PCDH11X: variants seen among roughly 807,000 people sequenced by gnomAD.
The protein encoded by PCDH11X is protocadherin-11 X-linked.
Under a neutral mutation model 53.3 loss-of-function variants are expected in PCDH11X, and 18 were observed. That is an observed-to-expected ratio of 0.34 (90% CI 0.23 to 0.50). The LOEUF is 0.50. PCDH11X is among the 20% of genes least tolerant of loss of function. PCDH11X has a pLI of 0.98. For synonymous variants in PCDH11X, 279 were observed against 393.3 expected, an observed-to-expected ratio of 0.71 and a Z score of 3.44; for missense variants, 570 against 1,032.4, an observed-to-expected ratio of 0.55 and a Z score of 6.14.
At chrX:92,038,558 A>T (rs1345612915) in intron 6 of PCDH11X, among the ~76,000 whole-genome samples, 3 of 112,310 alleles carry the variant, frequency 2.7e-5, no homozygotes, top group Non-Finnish European at 3.8e-5. Context: ...TCCAGGCAGA[A>T]GTTTGCTGCA....
At chrX:92,032,853 T>TTG (rs1254009773) in intron 6 of PCDH11X, among the ~76,000 whole-genome samples, 1 of 103,965 alleles carries the variant, frequency 9.6e-6, no homozygotes, top group African/African-American at 3.5e-5. Flanking sequence ...GATAAATGAT[T>TTG]TTTTTTTTTT....
chrX:92,258,451 TCCA>T (rs1194034888), intron 7 of PCDH11X, among the ~76,000 whole-genome samples: 1 of 106,356 alleles, frequency 9.4e-6, no homozygotes, highest in Admixed American at 1.0e-4. Context: ...CGCTGCATGC[TCCA>T]CCTCCTGGGC....
chrX:92,066,527 G>A (rs1295924823), intron 6 of PCDH11X, among the ~76,000 whole-genome samples: 1 of 110,301 alleles, frequency 9.1e-6, no homozygotes, highest in Non-Finnish European at 1.9e-5. Flanking sequence ...TGAGCTTCAT[G>A]GTATTAATTA....
chrX:91,974,725 G>A (rs867340098), intron 6 of PCDH11X, among the ~76,000 whole-genome samples: 1 of 108,862 alleles, frequency 9.2e-6, no homozygotes, highest in African/African-American at 3.3e-5. Flanking sequence ...GCCTAGAGGC[G>A]TGAAATAATT....
intron 10 of PCDH11X, among the ~76,000 whole-genome samples, chrX:92,476,104 G>A (rs1457489575): frequency 1.8e-5 from 2 of 111,117 alleles, no homozygotes; most frequent in Non-Finnish European, 3.8e-5. Flanking sequence ...TCTCATGATA[G>A]TGAATGAGTC....
chrX:92,566,127 G>A (rs1602345204), intron 10 of PCDH11X, among the ~76,000 whole-genome samples: 1 of 109,107 alleles, frequency 9.2e-6, no homozygotes, highest in Non-Finnish European at 1.9e-5. Flanking sequence ...TTTTGTGGTG[G>A]TTGCTGTTTT....
intron 6 of PCDH11X, among the ~76,000 whole-genome samples, chrX:91,908,638 G>A (rs1469508913): frequency 1.8e-5 from 2 of 108,365 alleles, no homozygotes; most frequent in African/African-American, 3.4e-5. Context: ...ACCCTGTCTC[G>A]ATTAAAAATA....
At chrX:92,607,904 C>T (rs1232848707) in intron 10 of PCDH11X, among the ~76,000 whole-genome samples, 1 of 111,051 alleles carries the variant, frequency 9.0e-6, no homozygotes, top group Non-Finnish European at 1.9e-5. Flanking sequence ...CCAACTATTT[C>T]TCAAATATAA....
chrX:92,265,867 T>C (rs2067818669), intron 8 of PCDH11X, among the ~76,000 whole-genome samples: 1 of 112,291 alleles, frequency 8.9e-6, no homozygotes, highest in Non-Finnish European at 1.9e-5. Context: ...TCATTGTGTT[T>C]TAGAAGTAAC....
At chrX:91,915,413 C>T (rs184659588) in intron 6 of PCDH11X, among the ~76,000 whole-genome samples, 1 of 110,253 alleles carries the variant, frequency 9.1e-6, no homozygotes, top group African/African-American at 3.3e-5. Context: ...GGATAAAAAT[C>T]CACCAACCAA....
chrX:91,805,546 G>A (rs756458606), intron 1 of PCDH11X, among the ~76,000 whole-genome samples: 1 of 111,422 alleles, frequency 9.0e-6, no homozygotes, highest in Non-Finnish European at 1.9e-5. Flanking sequence ...TAGGCACGGT[G>A]GCTCATACCT....
intron 8 of PCDH11X, among the ~76,000 whole-genome samples, chrX:92,360,231 C>A (rs2070312445): frequency 9.0e-6 from 1 of 110,989 alleles, no homozygotes; most frequent in Non-Finnish European, 1.9e-5. Context: ...GTACTTTATA[C>A]TTTATACTTT....
chrX:91,795,814 A>C, intron 1 of PCDH11X, among the ~76,000 whole-genome samples: 1 of 111,832 alleles, frequency 8.9e-6, no homozygotes, highest in Non-Finnish European at 1.9e-5. Context: ...TCTTAATTTT[A>C]GTGGCAGGTC....
At chrX:92,062,135 T>C (rs763191813) in intron 6 of PCDH11X, among the ~76,000 whole-genome samples, 1 of 111,052 alleles carries the variant, frequency 9.0e-6, no homozygotes, top group African/African-American at 3.3e-5. Context: ...TGTTGGTGTA[T>C]AGAAATACTA....
intron 8 of PCDH11X, among the ~76,000 whole-genome samples, chrX:92,334,340 T>C (rs1301455899): frequency 9.0e-6 from 1 of 111,651 alleles, no homozygotes; most frequent in Admixed American, 9.6e-5. Flanking sequence ...GAGTTTAGTG[T>C]AGTAAACACT....
intron 6 of PCDH11X, among the ~76,000 whole-genome samples, chrX:91,930,257 T>C (rs1465351894): frequency 9.2e-6 from 1 of 108,761 alleles, no homozygotes; most frequent in African/African-American, 3.3e-5. Flanking sequence ...ATTTTAAATA[T>C]AAAAGACTAC....
chrX:92,620,799 G>T lies in PCDH11X; in HGVS notation c.*1859G>T, dbSNP rs2556913. 0.34 allele frequency: 36,513 copies of T among 106,872 alleles called. 7,244 individuals carry two copies. Among genetic ancestry groups the T allele is most frequent in the African/African-American group, 0.7 (19,950 of 28,351 alleles). The allele number at this position is 106,872 out of a possible 1,213,427, so 8.8% of individuals were successfully genotyped here. On this transcript the variant is annotated 3_prime_UTR_variant, in exon 11 of 11. Coordinates refer to ENST00000682573, the MANE Select transcript of PCDH11X (RefSeq NM_032968.5). ...AGTTTGATTAATAAAATTAATTAATGTTTTTTCTCCTTCGTGTTGTTAATG... is the reference window on the plus strand; with the variant it reads ...AGTTTGATTAATAAAATTAATTAATTTTTTTTCTCCTTCGTGTTGTTAATG...
At chrX:92,379,939 C>G (rs2070835355) in intron 8 of PCDH11X, among the ~76,000 whole-genome samples, 2 of 92,085 alleles carry the variant, frequency 2.2e-5, no homozygotes, top group Non-Finnish European at 4.6e-5. Context: ...AATGGCAGGA[C>G]TGAAAGAGCT....
intron 5 of PCDH11X, among the ~76,000 whole-genome samples, chrX:91,839,560 C>T (rs748032382): frequency 1.9e-4 from 20 of 107,903 alleles, no homozygotes; most frequent in African/African-American, 6.4e-4. Context: ...ATCGAGATTG[C>T]GCCATTGCAA....
Sources: allele counts gnomAD v4.1 joint callset (sites outside exome capture counted in the v4.1 genomes callset), GRCh38; gene constraint gnomAD v4.1.1; transcripts MANE v1.5; gene names NCBI Gene and HGNC (gene_info 2026-07-23, HGNC 2026-07-21).